The following SLC44A1 variants were observed in gnomAD, a reference collection of about 807,000 sequenced individuals.
The protein encoded by SLC44A1 is solute carrier family 44 member 1, also known as choline transporter-like protein 1.
A neutral mutation model predicts 79.3 loss-of-function variants in SLC44A1; 26 were observed. The ratio of observed to expected loss-of-function variants is 0.33; its 90% confidence interval spans 0.24 to 0.46. The LOEUF (loss-of-function observed/expected upper bound fraction) is 0.46, where lower values mean the gene tolerates loss of function less well. Ranked by LOEUF, SLC44A1 falls within the 20% of genes least tolerant of loss-of-function variation. The pLI, the probability that SLC44A1 is intolerant of heterozygous loss-of-function variation, is 1.00. For synonymous variants in SLC44A1, 263 were observed against 286.2 expected, an observed-to-expected ratio of 0.92 and a Z score of 0.82; for missense variants, 688 against 798.1, an observed-to-expected ratio of 0.86 and a Z score of 1.66.
At chr9:105,428,245 T>G (rs575532291) in intron 15 of SLC44A1, among the ~76,000 whole-genome samples, 1 of 152,224 alleles carries the variant, frequency 6.6e-6, no homozygotes, top group African/African-American at 2.4e-5. Context: ...TTTTAAAAAA[T>G]TATTTTCTTT....
At chr9:105,397,559 A>G (rs7026079), downstream of SLC44A1, among the ~76,000 whole-genome samples, 7,578 of 152,238 alleles carry the variant, frequency 0.05, 635 homozygotes, top group African/African-American at 0.17. Context: ...TACAAAGTTC[A>G]TCCACTGCCA....
rs1564043167 is a variant in SLC44A1 at position 105,385,408 on chromosome 9, T to A, written c.1870-14T>A. ...GGACCCAAGAATTTATTCAATATGG[T>A]CCATATTTTGCAGGAGTTTGTGGAA... is the stretch of plus-strand genomic sequence containing the variant. On this transcript the variant is annotated splice_polypyrimidine_tract_variant and intron_variant, in intron 14 of 15. Transcript: ENST00000374720. 6.5e-7 allele frequency: 1 copy of A among 1,546,840 alleles called. No homozygotes were observed. Among genetic ancestry groups the A allele is most frequent in the Non-Finnish European group, 8.8e-7 (1 of 1,134,166 alleles).
intron 3 of SLC44A1, among the ~76,000 whole-genome samples, chr9:105,316,899 C>A (rs2131323335): frequency 6.6e-6 from 1 of 152,288 alleles, no homozygotes; most frequent in East Asian, 1.9e-4. Context: ...GAAGCAAATT[C>A]ATTGCTTTTA....
At chr9:105,327,116 C>T (rs191870683) in intron 3 of SLC44A1, among the ~76,000 whole-genome samples, 4 of 152,288 alleles carry the variant, frequency 2.6e-5, no homozygotes, top group Admixed American at 6.5e-5. Context: ...TTTGAAATCT[C>T]CTTTTTATTC....
At chr9:105,278,499 C>T (rs546672363) in intron 1 of SLC44A1, among the ~76,000 whole-genome samples, 124 of 152,282 alleles carry the variant, frequency 8.1e-4, no homozygotes, top group African/African-American at 2.8e-3. Flanking sequence ...CCACCCGCCT[C>T]GGCCTCCCGA....
Position 105,361,315 on chromosome 9 carries a change from A to G in SLC44A1, c.885A>G (p.Ser295=), listed in dbSNP as rs1431344421. The G allele has an allele frequency of 6.8e-6, 11 of 1,610,346 alleles. No individual in the cohort carries two copies. Among genetic ancestry groups the G allele is most frequent in the Non-Finnish European group, 8.5e-6 (10 of 1,178,608 alleles). Residue 295 remains serine (S), a synonymous_variant, in exon 8 of 16, where the codon TCA becomes TCG. Transcript: ENST00000374720. ...GGGCCCTCCTCATTTATGCCATTTC[A>G]GCTACAGTGTTCACAGTGAGTTTAG... ...NLRALLIYAI[S]ATVFTVILFL... is the part of the protein sequence containing the mutation.
intron 1 of SLC44A1, among the ~76,000 whole-genome samples, chr9:105,293,589 A>G (rs1254944230): frequency 6.6e-6 from 1 of 152,166 alleles, no homozygotes; most frequent in African/African-American, 2.4e-5. Context: ...TAATTGCCAG[A>G]CCTTTTCTAC....
chr9:105,332,206 G>A (rs188902087), intron 3 of SLC44A1, among the ~76,000 whole-genome samples: 14 of 144,302 alleles, frequency 9.7e-5, no homozygotes, highest in Middle Eastern at 3.6e-3. Context: ...TGCAATCTCC[G>A]CCTCCTGGGT....
At chr9:105,420,887 AAAG>A (rs1386472343) in intron 15 of SLC44A1, among the ~76,000 whole-genome samples, 2,511 of 146,204 alleles carry the variant, frequency 0.017, 99 homozygotes, top group African/African-American at 0.064. Flanking sequence ...AAAAAAAAAA[AAAG>A]GATGGTCTAG....
rs1828716666 is a variant in SLC44A1 at position 105,389,759 on chromosome 9, T to C, written c.*703T>C. 4.6e-6 allele frequency: 6 copies of C among 1,304,520 alleles called. No homozygotes were observed. The highest frequency in any genetic ancestry group is 2.2e-4 in the Middle Eastern group (1 of 4,628). The allele number at this position is 1,304,520 out of a possible 1,614,324, so 80.8% of individuals were successfully genotyped here. Reference sequence around the variant, plus strand: ...AAAAAAGAAAAGGGTAGATAATCTTTCGTATGCAAACTTTTCCCTTATATT... The same window carrying C: ...AAAAAAGAAAAGGGTAGATAATCTTCCGTATGCAAACTTTTCCCTTATATT... On this transcript the variant is annotated 3_prime_UTR_variant, in exon 16 of 16. Coordinates refer to ENST00000374720, the MANE Select transcript of SLC44A1 (RefSeq NM_080546.5).
At chr9:105,404,786 C>T (rs1829007335) in intron 15 of SLC44A1, among the ~76,000 whole-genome samples, 1 of 152,182 alleles carries the variant, frequency 6.6e-6, no homozygotes, top group African/African-American at 2.4e-5. Flanking sequence ...TCTGTCTCTG[C>T]CTCTTGCTGT....
At chr9:105,354,849 A>C (rs1827570901) in intron 5 of SLC44A1, among the ~76,000 whole-genome samples, 1 of 152,212 alleles carries the variant, frequency 6.6e-6, no homozygotes, top group Admixed American at 6.5e-5. Context: ...TTTTCGAGGA[A>C]GGAAACAAGG....
Position 105,393,706 on chromosome 9 carries a change from C to A in SLC44A1, c.*4650C>A. On this transcript the variant is annotated 3_prime_UTR_variant, in exon 16 of 16. Coordinates refer to ENST00000374720, the MANE Select transcript of SLC44A1 (RefSeq NM_080546.5). ...AGTTTCAATATTGCATGAACAATTG[C>A]CACTTTGTAAATTATATGGACAGAA... 3.0e-6 allele frequency: 3 copies of A among 984,360 alleles called. No homozygotes were observed. Among genetic ancestry groups the A allele is most frequent in the Non-Finnish European group, 2.4e-6 (2 of 829,038 alleles). The allele number at this position is 984,360 out of a possible 1,614,324, so 61.0% of individuals were successfully genotyped here.
rs1252258920 is a variant in SLC44A1, at chr9:105,335,659, G to A, written c.366G>A (p.Leu122=). The A allele has an allele frequency of 1.2e-6, 2 of 1,613,584 alleles. No individual in the cohort carries two copies. Among genetic ancestry groups the A allele is most frequent in the African/African-American group, 1.3e-5 (1 of 74,886 alleles). Residue 122 remains leucine, a synonymous_variant, in exon 4 of 16, where the codon CTG becomes CTA. Transcript: ENST00000374720. ...LCVAACPRQE[L]KTLSDVQKFA... Reference sequence around the variant, plus strand: ...TAGCAGCGTGTCCAAGGCAAGAACTGAAAACTCTGAGTGATGTTCAGAAGT... The same window carrying A: ...TAGCAGCGTGTCCAAGGCAAGAACTAAAAACTCTGAGTGATGTTCAGAAGT...
In SLC44A1 at chr9:105,395,299, A is replaced by C. The variant is rs554474887; in HGVS notation, c.*6243A>C. 1.1e-4 allele frequency: 62 copies of C among 552,494 alleles called. No homozygotes were observed. In the African/African-American group the frequency reaches 1.2e-3, roughly 11 times the overall value. The allele number at this position is 552,494 out of a possible 1,614,324, so 34.2% of individuals were successfully genotyped here. A position where few individuals can be genotyped will look rare whatever the true frequency, so the allele number is the denominator to read the frequency against. On this transcript the variant is annotated 3_prime_UTR_variant, in exon 16 of 16. Coordinates refer to ENST00000374720, the MANE Select transcript of SLC44A1 (RefSeq NM_080546.5). Reference sequence around the variant, plus strand: ...AGTGGCTCAATCTTAGCTCACTGCAACCTCCACCTCCCAGGTTCAAGTGAT... The same window carrying C: ...AGTGGCTCAATCTTAGCTCACTGCACCCTCCACCTCCCAGGTTCAAGTGAT...
At chr9:105,327,403 C>T (rs565263775) in intron 3 of SLC44A1, among the ~76,000 whole-genome samples, 34 of 152,334 alleles carry the variant, frequency 2.2e-4, no homozygotes, top group Admixed American at 5.9e-4. Flanking sequence ...CTGCCTCAGC[C>T]TCCCAAGTAG....
intron 9 of SLC44A1, 76 bp downstream of exon 9, chr9:105,363,083 A>C: frequency 8.7e-7 from 1 of 1,151,908 alleles, no homozygotes; most frequent in East Asian, 2.4e-5. Context: ...AGAGAGAGGT[A>C]ATTCTTCAGA....
At chr9:105,336,134 ATG>A (rs35324360) in intron 4 of SLC44A1, among the ~76,000 whole-genome samples, 896 of 143,884 alleles carry the variant, frequency 6.2e-3, no homozygotes, top group Middle Eastern at 0.011. Context: ...GTGTGTGTGC[ATG>A]TGTGTGTGTG....
At chr9:105,377,632 G>A (rs1276108545) in intron 13 of SLC44A1, among the ~76,000 whole-genome samples, 3 of 151,418 alleles carry the variant, frequency 2.0e-5, no homozygotes, top group Non-Finnish European at 4.4e-5. Context: ...GCGTGGTGGC[G>A]AGTGGCTGTA....
Sources: gnomAD v4.1 joint callset for allele counts (sites outside exome capture counted in the v4.1 genomes callset) on GRCh38, gnomAD v4.1.1 for gene constraint, MANE v1.5 for transcripts, NCBI Gene and HGNC (gene_info 2026-07-23, HGNC 2026-07-21) for gene names.